GRIN3A: variants seen among roughly 807,000 people sequenced by gnomAD.
The protein encoded by GRIN3A is glutamate ionotropic receptor NMDA type subunit 3A, also known as glutamate receptor ionotropic, NMDA 3A.
A neutral mutation model predicts 92.4 loss-of-function variants in GRIN3A; 47 were observed. The ratio of observed to expected loss-of-function variants is 0.51; its 90% confidence interval spans 0.40 to 0.65. GRIN3A has a LOEUF of 0.65. GRIN3A is among the 30% of genes least tolerant of loss of function. The pLI, the probability that GRIN3A is intolerant of heterozygous loss-of-function variation, is 0.00. For missense variants in GRIN3A, 1,324 were observed against 1,393.1 expected (o/e 0.95, Z 0.79); for synonymous variants, 527 against 540.6 (o/e 0.97, Z 0.35).
chr9:101,588,234 A>C (rs538488030), intron 6 of GRIN3A, among the ~76,000 whole-genome samples: 12 of 152,258 alleles, frequency 7.9e-5, no homozygotes, highest in Admixed American at 6.5e-4. Context: ...GAAGTTTCTC[A>C]TTAACCAAGA....
chr9:101,590,939 T>C (rs796271151), intron 6 of GRIN3A, among the ~76,000 whole-genome samples: 6 of 152,340 alleles, frequency 3.9e-5, no homozygotes, highest in African/African-American at 1.4e-4. Context: ...AGAATGTTTC[T>C]AAAGCATGAG....
At chr9:101,589,265 A>G (rs10123496) in intron 6 of GRIN3A, among the ~76,000 whole-genome samples, 84,474 of 151,982 alleles carry the variant, frequency 0.56, 23,675 homozygotes, top group African/African-American at 0.58. Context: ...GAGCCTCTGC[A>G]CCTGGCCATG....
chr9:101,623,109 C>T (rs1156850040), intron 5 of GRIN3A, among the ~76,000 whole-genome samples: 1 of 151,938 alleles, frequency 6.6e-6, no homozygotes, highest in Non-Finnish European at 1.5e-5. Flanking sequence ...GATTTTTCCC[C>T]CTAAAAATTG....
chr9:101,590,808 A>G (rs1446926748), intron 6 of GRIN3A, among the ~76,000 whole-genome samples: 1 of 152,204 alleles, frequency 6.6e-6, no homozygotes, highest in Non-Finnish European at 1.5e-5. Flanking sequence ...TAAGTAGAGA[A>G]TGGAATTTAT....
intron 5 of GRIN3A, among the ~76,000 whole-genome samples, chr9:101,616,887 A>AT (rs1828462830): frequency 1.0e-5 from 1 of 95,800 alleles, no homozygotes; most frequent in Non-Finnish European, 2.3e-5. Flanking sequence ...AACTTAAAGT[A>AT]TAAAAAAAAA....
intron 6 of GRIN3A, among the ~76,000 whole-genome samples, chr9:101,583,301 T>C (rs1827912627): frequency 6.6e-6 from 1 of 152,178 alleles, no homozygotes; most frequent in South Asian, 2.1e-4. Flanking sequence ...AATTTTTTAT[T>C]TAAAACTCAC....
rs1487840766 is a variant in GRIN3A at position 101,686,744 on chromosome 9, C to G, written c.1156G>C (p.Glu386Gln). ...AHGKTTQSVF[E>Q]HYVQDAMELV... ...TCCATAGCATCTTGTACGTAGTGCT[C>G]AAAGACAGACTGTGTTGTTTTTCCA... The change falls in exon 2 of 9, where the codon GAG becomes CAG. Residue 386 changes from glutamate (E) to glutamine (Q), a missense_variant. By Grantham distance (29) the Glu-to-Gln change is conservative. Transcript: ENST00000361820. 6.2e-7 allele frequency: 1 copy of G among 1,614,028 alleles called. No individual in the cohort carries two copies. The highest frequency in any genetic ancestry group is 8.5e-7 in the Non-Finnish European group (1 of 1,180,040).
chr9:101,723,205 C>G (rs1265648166), intron 1 of GRIN3A, among the ~76,000 whole-genome samples: 1 of 152,180 alleles, frequency 6.6e-6, no homozygotes, highest in African/African-American at 2.4e-5. Context: ...TGTTACAGCT[C>G]TTAAGGTGGC....
chr9:101,570,184 G>A lies in GRIN3A; in HGVS notation c.*2990C>T, dbSNP rs1827738827. 6.6e-6 allele frequency: 1 copy of A among 152,040 alleles called. No homozygotes were observed. The highest frequency in any genetic ancestry group is 1.9e-4 in the East Asian group (1 of 5,188). The allele number at this position is 152,040 out of a possible 1,614,324, so 9.4% of individuals were successfully genotyped here. On this transcript the variant is annotated 3_prime_UTR_variant, in exon 9 of 9. Transcript: ENST00000361820. ...GGGCCTTGATTATTCTTATTTACAC[G>A]AACCAGGTAGCTATATCTGTTCCAG...
At chr9:101,723,908 A>G (rs904646181) in intron 1 of GRIN3A, among the ~76,000 whole-genome samples, 3 of 152,264 alleles carry the variant, frequency 2.0e-5, no homozygotes, top group East Asian at 1.9e-4. Flanking sequence ...AGGTCCCACC[A>G]GAGTAGCTAG....
chr9:101,684,999 G>A (rs1829514742), intron 2 of GRIN3A, among the ~76,000 whole-genome samples: 1 of 152,136 alleles, frequency 6.6e-6, no homozygotes, highest in African/African-American at 2.4e-5. Flanking sequence ...TAAATCTGGA[G>A]AGTGGCTATA....
At chr9:101,724,419 C>A (rs1413420338) in intron 1 of GRIN3A, among the ~76,000 whole-genome samples, 1 of 152,148 alleles carries the variant, frequency 6.6e-6, no homozygotes, top group Admixed American at 6.5e-5. Flanking sequence ...GTGCGGGGCC[C>A]GCCAAGCCCA....
chr9:101,666,262 T>C (rs1829235643), intron 3 of GRIN3A, among the ~76,000 whole-genome samples: 1 of 151,178 alleles, frequency 6.6e-6, no homozygotes, highest in African/African-American at 2.4e-5. Flanking sequence ...CTAGCTTCAA[T>C]CTCTCTCTTG....
At chr9:101,610,056 AC>A (rs1828339769) in intron 6 of GRIN3A, among the ~76,000 whole-genome samples, 1 of 152,214 alleles carries the variant, frequency 6.6e-6, no homozygotes, top group Non-Finnish European at 1.5e-5. Flanking sequence ...AGCTATGGTC[AC>A]AACAAATGAT....
intron 2 of GRIN3A, among the ~76,000 whole-genome samples, chr9:101,673,227 G>A (rs1588276824): frequency 6.6e-6 from 1 of 152,038 alleles, no homozygotes; most frequent in Non-Finnish European, 1.5e-5. Flanking sequence ...TCAGAAAAAG[G>A]CACTAGAAAT....
At chr9:101,589,341 A>G (rs1174864970) in intron 6 of GRIN3A, among the ~76,000 whole-genome samples, 1 of 152,236 alleles carries the variant, frequency 6.6e-6, no homozygotes, top group Middle Eastern at 3.2e-3. Context: ...TTACCTGGTC[A>G]AAGGATACAA....
At chr9:101,616,911 A>G (rs1828464057) in intron 5 of GRIN3A, among the ~76,000 whole-genome samples, 1 of 148,738 alleles carries the variant, frequency 6.7e-6, no homozygotes, top group Admixed American at 6.7e-5. Context: ...AAAAAAAAGG[A>G]ACAAAAGGGC....
At chr9:101,648,661 C>T (rs7028454) in intron 3 of GRIN3A, among the ~76,000 whole-genome samples, 13,561 of 152,020 alleles carry the variant, frequency 0.089, 879 homozygotes, top group East Asian at 0.22. Flanking sequence ...CATTTATATT[C>T]ACAATTGTTA....
chr9:101,653,752 T>C (rs1352999435), intron 3 of GRIN3A, among the ~76,000 whole-genome samples: 1 of 151,866 alleles, frequency 6.6e-6, no homozygotes, highest in Non-Finnish European at 1.5e-5. Context: ...AATTTGATAT[T>C]CTGAAACATA....
Sources: allele counts gnomAD v4.1 joint callset (sites outside exome capture counted in the v4.1 genomes callset), GRCh38; gene constraint gnomAD v4.1.1; transcripts MANE v1.5; gene names NCBI Gene and HGNC (gene_info 2026-07-23, HGNC 2026-07-21).